BMPR1B: variants seen among roughly 807,000 people sequenced by gnomAD.
BMPR1B encodes the protein bone morphogenetic protein receptor type-1B.
A neutral mutation model predicts 59.1 loss-of-function variants in BMPR1B; 12 were observed. The observed-to-expected ratio is 0.20, with a 90% CI of 0.13 to 0.33. The LOEUF is 0.33. Among genes scored for constraint, BMPR1B ranks in the 10% least tolerant of loss-of-function variants. BMPR1B has a pLI of 1.00. For missense variants in BMPR1B, 550 were observed against 610.9 expected, an observed-to-expected ratio of 0.90 and a Z score of 1.05; for synonymous variants, 237 against 207.3, an observed-to-expected ratio of 1.14 and a Z score of -1.23.
chr4:95,051,594 G>A (rs1264168012), intron 3 of BMPR1B: 22 of 1,069,892 alleles, frequency 2.1e-5, no homozygotes, highest in Middle Eastern at 2.8e-4. Flanking sequence ...GCAGGCTTGC[G>A]AGAAGATCTG....
In BMPR1B at chr4:94,809,265, A is replaced by G. The variant is rs187792896; in HGVS notation, c.-183+51197A>G. 3.1e-3 allele frequency among the ~76,000 whole-genome samples: 479 copies of G among 152,270 alleles called. 1 individual carries two copies. Among genetic ancestry groups the G allele is most frequent in the African/African-American group, 0.011 (462 of 41,530 alleles). The stretch of plus-strand genomic sequence containing the variant: ...TGTAGGTAGAACATGTAAAATTGTT[A>G]TCATTGAACAGTTTCTTGCTTCATC... On this transcript the variant is annotated intron_variant, in intron 1 of 12. Transcript: ENST00000515059.
chr4:94,948,246 T>C (rs1481040492), intron 2 of BMPR1B, among the ~76,000 whole-genome samples: 2 of 152,182 alleles, frequency 1.3e-5, no homozygotes, highest in Non-Finnish European at 2.9e-5. Flanking sequence ...CCTTTATCCA[T>C]ACCAGGTGGT....
chr4:94,969,521 A>G (rs1292656835), intron 2 of BMPR1B, among the ~76,000 whole-genome samples: 1 of 152,206 alleles, frequency 6.6e-6, no homozygotes, highest in Non-Finnish European at 1.5e-5. Flanking sequence ...AGCTATTAAA[A>G]TGCTTTTTCT....
chr4:94,946,641 C>T (rs914482010), intron 2 of BMPR1B, among the ~76,000 whole-genome samples: 37 of 152,276 alleles, frequency 2.4e-4, no homozygotes, highest in African/African-American at 7.7e-4. Flanking sequence ...TGGCCTTAAT[C>T]GCTAAATTAG....
chr4:95,001,475 G>A (rs747357271), intron 3 of BMPR1B, among the ~76,000 whole-genome samples: 11 of 152,028 alleles, frequency 7.2e-5, no homozygotes, highest in African/African-American at 2.7e-4. Context: ...TCTGTCTCAT[G>A]GTACAATCAC....
chr4:95,001,680 A>G (rs1160561697), intron 3 of BMPR1B, among the ~76,000 whole-genome samples: 1 of 152,164 alleles, frequency 6.6e-6, no homozygotes, highest in Non-Finnish European at 1.5e-5. Context: ...TCTAATTTAC[A>G]CCTAGAAAAA....
chr4:94,881,489 T>A (rs79652298), intron 2 of BMPR1B, among the ~76,000 whole-genome samples: 2 of 151,802 alleles, frequency 1.3e-5, no homozygotes, highest in African/African-American at 4.8e-5. Context: ...TTTTTTTTTT[T>A]GCAATCCACT....
At chr4:95,017,684 G>T (rs944268591) in intron 3 of BMPR1B, among the ~76,000 whole-genome samples, 13 of 152,122 alleles carry the variant, frequency 8.5e-5, no homozygotes, top group African/African-American at 3.1e-4. Flanking sequence ...CTGTTATCTG[G>T]TTTAATTCTC....
chr4:94,885,653 T>C (rs1057229646), intron 2 of BMPR1B, among the ~76,000 whole-genome samples: 1 of 152,166 alleles, frequency 6.6e-6, no homozygotes, highest in Admixed American at 6.5e-5. Flanking sequence ...AGGACATGAC[T>C]TCCATTTCTG....
At chr4:94,976,852 C>T (rs937150611) in intron 2 of BMPR1B, among the ~76,000 whole-genome samples, 1 of 152,078 alleles carries the variant, frequency 6.6e-6, no homozygotes, top group Non-Finnish European at 1.5e-5. Flanking sequence ...ATCAGTCCAT[C>T]TCCTGGGAAT....
intron 8 of BMPR1B, among the ~76,000 whole-genome samples, chr4:95,126,515 C>A (rs991786298): frequency 2.0e-5 from 3 of 152,066 alleles, no homozygotes; most frequent in Admixed American, 6.6e-5. Flanking sequence ...AAGGTAGTAC[C>A]AGAAATATCA....
At chr4:95,139,614 C>T (rs1024501913) in intron 10 of BMPR1B, among the ~76,000 whole-genome samples, 2 of 152,182 alleles carry the variant, frequency 1.3e-5, no homozygotes, top group African/African-American at 4.8e-5. Context: ...TCAGCAGTGG[C>T]GGACGCCCCT....
At chr4:94,873,155 A>G (rs1560526131) in intron 1 of BMPR1B, among the ~76,000 whole-genome samples, 2 of 152,120 alleles carry the variant, frequency 1.3e-5, no homozygotes, top group Non-Finnish European at 2.9e-5. Context: ...CCTCCGGTCC[A>G]TATGGCCAGA....
At chr4:94,795,790 CA>C (rs1181030127) in intron 1 of BMPR1B, among the ~76,000 whole-genome samples, 1 of 151,962 alleles carries the variant, frequency 6.6e-6, no homozygotes, top group African/African-American at 2.4e-5. Context: ...GAAGTAAATA[CA>C]ATACCACTCC....
chr4:94,870,402 C>T lies in BMPR1B; in HGVS notation c.-182-5429C>T, dbSNP rs1726440509. Among the ~76,000 whole-genome samples, 9 of 141,642 alleles carry T rather than the reference C, an allele frequency of 6.4e-5. No individual in the cohort carries two copies. The South Asian group carries it at 1.9e-3, about 30-fold the overall frequency. 92.9% of individuals were successfully genotyped at this position (141,642 alleles called of 152,430 possible). ...CTGCCAAGAGAGAGAGAGAGTTTTA[C>T]CACTTGTGGTAGAGAACATCTTTAC... On this transcript the variant is annotated intron_variant, in intron 1 of 12. Coordinates refer to ENST00000515059, the MANE Select transcript of BMPR1B (RefSeq NM_001203.3).
intron 2 of BMPR1B, among the ~76,000 whole-genome samples, chr4:94,893,726 G>C (rs1560535488): frequency 6.6e-6 from 1 of 151,802 alleles, no homozygotes; most frequent in South Asian, 2.1e-4. Flanking sequence ...CCTATAAAAT[G>C]GTGTTCTGAG....
chr4:95,105,023 A>G (rs1416718091), intron 4 of BMPR1B, among the ~76,000 whole-genome samples: 1 of 152,118 alleles, frequency 6.6e-6, no homozygotes, highest in African/African-American at 2.4e-5. Context: ...GAAGCAGTGC[A>G]GTGGTAGAGC....
intron 3 of BMPR1B, among the ~76,000 whole-genome samples, chr4:95,082,934 A>T (rs971148451): frequency 5.8e-4 from 85 of 146,522 alleles, no homozygotes; most frequent in Admixed American, 4.9e-4. Flanking sequence ...GCTACTCAAG[A>T]GGCTGAGGCA....
rs568153337 is a variant in BMPR1B at position 95,156,798 on chromosome 4, G to A, written c.*2125G>A. ...TTCTCTTGTGTCAGTTATATTCTTAGGGATAGCCTAGAAGGAATATATGGT... is the reference window on the plus strand; with the variant it reads ...TTCTCTTGTGTCAGTTATATTCTTAAGGATAGCCTAGAAGGAATATATGGT... On this transcript the variant is annotated 3_prime_UTR_variant, in exon 13 of 13. Transcript: ENST00000515059. 2 of 152,032 alleles carry A rather than the reference G, an allele frequency of 1.3e-5. No homozygotes were observed. Among genetic ancestry groups the A allele is most frequent in the Non-Finnish European group, 2.9e-5 (2 of 67,982 alleles). The allele number at this position is 152,032 out of a possible 1,614,324, so 9.4% of individuals were successfully genotyped here.
Sources: allele counts gnomAD v4.1 joint callset (sites outside exome capture counted in the v4.1 genomes callset), GRCh38; gene constraint gnomAD v4.1.1; transcripts MANE v1.5; gene names NCBI Gene and HGNC (gene_info 2026-07-23, HGNC 2026-07-21).